The following MBNL1 variants were observed in gnomAD, a reference collection of about 807,000 sequenced individuals.
The protein encoded by MBNL1 is muscleblind like splicing regulator 1.
MBNL1 carries 8 observed loss-of-function variants against 42.2 expected under a neutral mutation model. The ratio of observed to expected loss-of-function variants is 0.19; its 90% CI spans 0.11 to 0.34. MBNL1 has a LOEUF of 0.34. Ranked by LOEUF, MBNL1 falls within the 10% of genes least tolerant of loss-of-function variation. The probability of loss-of-function intolerance (pLI) is 1.00; values close to 1 mark genes in which losing one functional copy is unlikely to be tolerated. For missense variants in MBNL1, 309 were observed against 495.3 expected, an observed-to-expected ratio of 0.62 and a Z score of 3.57; for synonymous variants, 169 against 173.9, an observed-to-expected ratio of 0.97 and a Z score of 0.22.
At chr3:152,365,155 AAC>A (rs773366423) in intron 2 of MBNL1, among the ~76,000 whole-genome samples, 3 of 152,242 alleles carry the variant, frequency 2.0e-5, no homozygotes, top group Non-Finnish European at 4.4e-5. Flanking sequence ...TATTGAATTT[AAC>A]ACCTTTAACA....
At chr3:152,380,197 A>G (rs2097122711) in intron 2 of MBNL1, among the ~76,000 whole-genome samples, 1 of 152,110 alleles carries the variant, frequency 6.6e-6, no homozygotes, top group Non-Finnish European at 1.5e-5. Context: ...TTGAAGATGC[A>G]TCATAAAGTC....
Position 152,299,538 on chromosome 3 carries a change from C to A in MBNL1, c.-656C>A, listed in dbSNP as rs778544833. The A allele has an allele frequency of 2.0e-5, 8 of 393,802 alleles. No individual in the cohort carries two copies. Among genetic ancestry groups the A allele is most frequent in the Non-Finnish European group, 3.6e-5 (8 of 223,390 alleles). The allele number at this position is 393,802 out of a possible 1,614,324, so 24.4% of individuals were successfully genotyped here. ...ATCCACCCTCCACCTCTAGCCCAGA[C>A]ACCCCCATTTCTACTTATAATCAAG... On this transcript the variant is annotated 5_prime_UTR_variant, in exon 2 of 10. Transcript: ENST00000324210.
At chr3:152,314,346 C>T (rs1464265452) in intron 2 of MBNL1, among the ~76,000 whole-genome samples, 1 of 151,460 alleles carries the variant, frequency 6.6e-6, no homozygotes, top group East Asian at 1.9e-4. Flanking sequence ...CCAATTCTAG[C>T]CTGTTGAAAT....
intron 2 of MBNL1, among the ~76,000 whole-genome samples, chr3:152,326,201 T>TA (rs2079955489): frequency 6.6e-6 from 1 of 152,170 alleles, no homozygotes; most frequent in Non-Finnish European, 1.5e-5. Flanking sequence ...TTTTAATAGG[T>TA]ACGTTTTTCC....
intron 2 of MBNL1, among the ~76,000 whole-genome samples, chr3:152,383,509 TC>T (rs2097272834): frequency 6.6e-6 from 1 of 151,994 alleles, no homozygotes; most frequent in Non-Finnish European, 1.5e-5. Flanking sequence ...GAATTACTGT[TC>T]CATGAGTGTG....
chr3:152,437,834 C>T (rs943792706), intron 4 of MBNL1, among the ~76,000 whole-genome samples: 14 of 149,568 alleles, frequency 9.4e-5, no homozygotes, highest in Admixed American at 8.0e-4. Flanking sequence ...AGTGCGGTGG[C>T]GCGATCTCAG....
intron 1 of MBNL1, among the ~76,000 whole-genome samples, chr3:152,290,448 G>A (rs941125961): frequency 1.3e-5 from 2 of 151,988 alleles, no homozygotes; most frequent in African/African-American, 4.8e-5. Context: ...TGTGTGAGAG[G>A]GAAAGTTGGA....
At chr3:152,252,063 T>C (rs1399961267) in intron 2 of MBNL1, among the ~76,000 whole-genome samples, 1 of 152,070 alleles carries the variant, frequency 6.6e-6, no homozygotes, top group African/African-American at 2.4e-5. Flanking sequence ...TTTCCATGAC[T>C]CAACTATTTT....
At chr3:152,407,517 G>C (rs2098461841) in intron 2 of MBNL1, among the ~76,000 whole-genome samples, 1 of 152,068 alleles carries the variant, frequency 6.6e-6, no homozygotes, top group African/African-American at 2.4e-5. Flanking sequence ...CAAAACAGTA[G>C]AAGTTGTGTT....
chr3:152,244,959 TATG>T (rs1354897561), intron 2 of MBNL1, among the ~76,000 whole-genome samples: 2 of 152,110 alleles, frequency 1.3e-5, no homozygotes, highest in Admixed American at 1.3e-4. Context: ...ATCATCACTT[TATG>T]ATGATATTTG....
intron 1 of MBNL1, among the ~76,000 whole-genome samples, chr3:152,276,030 A>G (rs1305994538): frequency 6.6e-6 from 1 of 152,166 alleles, no homozygotes; most frequent in East Asian, 1.9e-4. Flanking sequence ...TCTTTTAAGT[A>G]AGGTATCTCA....
In MBNL1 at chr3:152,317,671, A is replaced by G. The variant is rs188498327; in HGVS notation, c.174+17304A>G. The stretch of plus-strand genomic sequence containing the variant: ...TGAAATAACTCCACAGTTATCTCCA[A>G]GTAAGTCTAATATCTTCTCTTTGAA... On this transcript the variant is annotated intron_variant, in intron 2 of 9. Coordinates refer to ENST00000324210, the MANE Select transcript of MBNL1 (RefSeq NM_021038.5). Among the ~76,000 whole-genome samples, 44 of 131,404 alleles carry G rather than the reference A, an allele frequency of 3.3e-4. 2 individuals carry two copies. The East Asian group carries it at 7.1e-3, about 21-fold the overall frequency. 86.2% of individuals were successfully genotyped at this position (131,404 alleles called of 152,430 possible). A position where few individuals can be genotyped will look rare whatever the true frequency, so the allele number is the denominator to read the frequency against.
intron 2 of MBNL1, among the ~76,000 whole-genome samples, chr3:152,386,138 G>A (rs1187222348): frequency 2.0e-5 from 3 of 151,706 alleles, no homozygotes; most frequent in South Asian, 4.1e-4. Context: ...GTACTTTGGG[G>A]AAAAAAAGCT....
chr3:152,331,448 A>G (rs2084472611), intron 2 of MBNL1, among the ~76,000 whole-genome samples: 1 of 152,216 alleles, frequency 6.6e-6, no homozygotes, highest in South Asian at 2.1e-4. Context: ...TTAGGATGCT[A>G]GTTCATATTC....
intron 2 of MBNL1, among the ~76,000 whole-genome samples, chr3:152,344,897 A>G (rs1424395028): frequency 6.6e-6 from 1 of 152,098 alleles, no homozygotes; most frequent in Non-Finnish European, 1.5e-5. Flanking sequence ...AAGGCACACA[A>G]AGACACACAG....
intron 2 of MBNL1, among the ~76,000 whole-genome samples, chr3:152,384,718 A>G (rs2097336382): frequency 6.6e-6 from 1 of 152,200 alleles, no homozygotes; most frequent in African/African-American, 2.4e-5. Flanking sequence ...CCAACTTTTG[A>G]TTTTAAAACT....
chr3:152,377,163 A>AG (rs1242669284), intron 2 of MBNL1, among the ~76,000 whole-genome samples: 3 of 152,104 alleles, frequency 2.0e-5, no homozygotes, highest in African/African-American at 7.2e-5. Flanking sequence ...CTTTTTTCAA[A>AG]GGTTTTCTCA....
chr3:152,437,278 T>C (rs1390581149), intron 4 of MBNL1, among the ~76,000 whole-genome samples: 1 of 152,216 alleles, frequency 6.6e-6, no homozygotes, highest in East Asian at 1.9e-4. Flanking sequence ...TTACTGCAAC[T>C]TGTTAGACAG....
intron 2 of MBNL1, among the ~76,000 whole-genome samples, chr3:152,356,728 G>T (rs574433799): frequency 6.6e-6 from 1 of 152,006 alleles, no homozygotes; most frequent in Non-Finnish European, 1.5e-5. Flanking sequence ...GTGAGACCTC[G>T]GCCTCCCAAA....
Sources: allele counts gnomAD v4.1 joint callset (sites outside exome capture counted in the v4.1 genomes callset), GRCh38; gene constraint gnomAD v4.1.1; transcripts MANE v1.5; gene names NCBI Gene and HGNC (gene_info 2026-07-23, HGNC 2026-07-21).